ZNF804B: variants seen among roughly 807,000 people sequenced by gnomAD.
ZNF804B encodes the protein zinc finger 804B.
In ZNF804B, 80 loss-of-function variants were observed where a neutral mutation model predicts 101.4. The ratio of observed to expected loss-of-function variants is 0.79; its 90% confidence interval spans 0.66 to 0.95. ZNF804B has a LOEUF of 0.95. ZNF804B is among the 40% of genes least tolerant of loss of function. The pLI, the probability that ZNF804B is intolerant of heterozygous loss-of-function variation, is 0.00. For missense variants in ZNF804B, 1,673 were observed against 1,561.9 expected, an observed-to-expected ratio of 1.07 and a Z score of -1.20; for synonymous variants, 622 against 558.8, an observed-to-expected ratio of 1.11 and a Z score of -1.59.
intron 1 of ZNF804B, among the ~76,000 whole-genome samples, chr7:89,193,005 A>G (rs1788482770): frequency 6.6e-6 from 1 of 152,130 alleles, no homozygotes; most frequent in African/African-American, 2.4e-5. Context: ...CCTTAAAATA[A>G]TAAGAGCCAT....
chr7:89,141,478 A>G (rs968409719), intron 1 of ZNF804B, among the ~76,000 whole-genome samples: 1 of 152,062 alleles, frequency 6.6e-6, no homozygotes, highest in Admixed American at 6.6e-5. Context: ...ACATTTGGGT[A>G]ATGCTCACCT....
At chr7:89,186,471 A>G (rs1183532717) in intron 1 of ZNF804B, among the ~76,000 whole-genome samples, 1 of 152,160 alleles carries the variant, frequency 6.6e-6, no homozygotes, top group African/African-American at 2.4e-5. Context: ...GCCCCATATT[A>G]GCAGAAAAAA....
At chr7:89,245,545 T>G (rs1789429666) in intron 2 of ZNF804B, among the ~76,000 whole-genome samples, 1 of 152,180 alleles carries the variant, frequency 6.6e-6, no homozygotes, top group South Asian at 2.1e-4. Context: ...AAATTTTACA[T>G]ACTTGGAAAT....
chr7:88,848,351 T>C (rs1280562129), intron 1 of ZNF804B, among the ~76,000 whole-genome samples: 2 of 152,010 alleles, frequency 1.3e-5, no homozygotes, highest in African/African-American at 4.8e-5. Flanking sequence ...CAGGAACAAA[T>C]GAGTAGCATG....
At chr7:89,153,280 T>C (rs1275523721) in intron 1 of ZNF804B, among the ~76,000 whole-genome samples, 1 of 151,700 alleles carries the variant, frequency 6.6e-6, no homozygotes, top group African/African-American at 2.4e-5. Flanking sequence ...AAGAAGAAGC[T>C]ATCAATTACC....
chr7:89,193,405 G>T (rs1788492211), intron 1 of ZNF804B, among the ~76,000 whole-genome samples: 1 of 151,362 alleles, frequency 6.6e-6, no homozygotes, highest in African/African-American at 2.4e-5. Context: ...CTGGTGTGCT[G>T]CACCCATTAA....
intron 1 of ZNF804B, among the ~76,000 whole-genome samples, chr7:88,857,461 A>G (rs1791580974): frequency 6.6e-6 from 1 of 152,182 alleles, no homozygotes; most frequent in Admixed American, 6.5e-5. Context: ...AATACAAACT[A>G]CCATCAGAGA....
At chr7:89,311,921 A>C (rs1790654597) in intron 2 of ZNF804B, among the ~76,000 whole-genome samples, 1 of 152,170 alleles carries the variant, frequency 6.6e-6, no homozygotes, top group African/African-American at 2.4e-5. Context: ...ACCAGATAAA[A>C]GTTCATGCTT....
intron 1 of ZNF804B, among the ~76,000 whole-genome samples, chr7:89,010,376 G>A (rs1057165900): frequency 1.3e-5 from 2 of 152,028 alleles, no homozygotes; most frequent in African/African-American, 2.4e-5. Flanking sequence ...ATAAAGTGGG[G>A]AAAAAAGTAA....
At chr7:89,191,195 A>T (rs1464469938) in intron 1 of ZNF804B, among the ~76,000 whole-genome samples, 1 of 152,192 alleles carries the variant, frequency 6.6e-6, no homozygotes, top group African/African-American at 2.4e-5. Context: ...AACAACATAA[A>T]TTAAAAACTA....
At position 89,335,545 on chromosome 7, in the gene ZNF804B, G is replaced by A. The variant is rs749134164; in HGVS notation, c.2563G>A (p.Asp855Asn). ...CCAGGGAACTCAGCACGACAGATTGGACTCTTACTCAATAGAGAAAATGTA... is the reference window on the plus strand; with the variant it reads ...CCAGGGAACTCAGCACGACAGATTGAACTCTTACTCAATAGAGAAAATGTA... ...NCQGTQHDRL[D>N]SYSIEKMYYL... Residue 855 changes from aspartate (D) to asparagine (N), a missense_variant, in exon 4 of 4, where the codon GAC becomes AAC. Coordinates refer to ENST00000333190, the MANE Select transcript of ZNF804B (RefSeq NM_181646.5). The A allele has an allele frequency of 6.2e-7, 1 of 1,613,840 alleles. No individual in the cohort carries two copies. Among genetic ancestry groups the A allele is most frequent in the South Asian group, 1.1e-5 (1 of 91,078 alleles).
At chr7:88,797,595 T>A (rs1790506903) in intron 1 of ZNF804B, among the ~76,000 whole-genome samples, 1 of 152,070 alleles carries the variant, frequency 6.6e-6, no homozygotes. Context: ...CAGCTACTGA[T>A]CAAAGTCAGT....
intron 2 of ZNF804B, among the ~76,000 whole-genome samples, chr7:89,221,510 G>A (rs1021286933): frequency 6.6e-6 from 1 of 151,884 alleles, no homozygotes; most frequent in Non-Finnish European, 1.5e-5. Context: ...AGAGCATGAG[G>A]CATCTTTTGA....
chr7:89,218,432 G>T (rs903033856), intron 2 of ZNF804B, 137 bp downstream of exon 2: 34 of 1,082,260 alleles, frequency 3.1e-5, no homozygotes, highest in Admixed American at 3.0e-5. Context: ...CCCCTGGAAA[G>T]GTTGTGTTTT....
At chr7:88,856,079 G>A (rs1165607406) in intron 1 of ZNF804B, among the ~76,000 whole-genome samples, 2 of 152,126 alleles carry the variant, frequency 1.3e-5, no homozygotes, top group East Asian at 1.9e-4. Context: ...GATTGACTTG[G>A]CGATGCGGGC....
intron 1 of ZNF804B, among the ~76,000 whole-genome samples, chr7:89,039,942 G>T (rs576446659): frequency 6.6e-6 from 1 of 151,998 alleles, no homozygotes; most frequent in African/African-American, 2.4e-5. Flanking sequence ...TTTTGTTACC[G>T]TATGTCTTGA....
rs1157360245 is a variant in ZNF804B, at chr7:89,327,382, T to G, written c.288T>G (p.Asn96Lys). 1 of 1,609,334 alleles carries G rather than the reference T, an allele frequency of 6.2e-7. No homozygotes were observed. The highest frequency in any genetic ancestry group is 8.5e-7 in the Non-Finnish European group (1 of 1,177,996). The stretch of plus-strand genomic sequence containing the variant: ...TAAAGCAACGGGAATTTGCTCGAAA[T>G]GTAGCTTCTAAGTCATGGAAAGATG... ...KELKQREFAR[N>K]VASKSWKDEK... The change falls in exon 3 of 4, where the codon AAT (asparagine) becomes AAG (lysine). Residue 96 changes from asparagine (N) to lysine (K), a missense_variant. By Grantham distance (94) the Asn-to-Lys change is moderately conservative (BLOSUM62 0). Transcript: ENST00000333190.
intron 2 of ZNF804B, among the ~76,000 whole-genome samples, chr7:89,223,839 A>C (rs17678575): frequency 0.075 from 11,432 of 151,934 alleles, 595 homozygotes; most frequent in Non-Finnish European, 0.11. Context: ...TTTGGAAACA[A>C]CTCAATATCT....
At chr7:89,230,609 A>G (rs368216119) in intron 2 of ZNF804B, among the ~76,000 whole-genome samples, 8 of 152,250 alleles carry the variant, frequency 5.3e-5, no homozygotes, top group African/African-American at 1.7e-4. Context: ...TAGAAATCCC[A>G]GAAATAGACA....
Sources: allele counts gnomAD v4.1 joint callset (sites outside exome capture counted in the v4.1 genomes callset), GRCh38; gene constraint gnomAD v4.1.1; transcripts MANE v1.5; gene names NCBI Gene and HGNC (gene_info 2026-07-23, HGNC 2026-07-21).